CNTNAP2: variants seen among roughly 807,000 people sequenced by gnomAD.
The protein encoded by CNTNAP2 is contactin associated protein 2, also known as contactin-associated protein-like 2.
A neutral mutation model predicts 155.2 loss-of-function variants in CNTNAP2; 98 were observed. The observed-to-expected ratio is 0.63, with a 90% CI of 0.54 to 0.75. CNTNAP2 has a LOEUF of 0.75. CNTNAP2 is among the 30% of genes least tolerant of loss of function. CNTNAP2 has a pLI of 0.00. For synonymous variants in CNTNAP2, 651 were observed against 631.2 expected (o/e 1.03, Z -0.47); for missense variants, 1,727 against 1,688.1 (o/e 1.02, Z -0.40).
intron 13 of CNTNAP2, among the ~76,000 whole-genome samples, chr7:147,765,619 C>T (rs919425416): frequency 2.0e-5 from 3 of 152,002 alleles, no homozygotes; most frequent in Non-Finnish European, 2.9e-5. Context: ...AGTTATACAT[C>T]GCCGTTTGGG....
At chr7:146,869,403 T>A (rs1795264416) in intron 3 of CNTNAP2, among the ~76,000 whole-genome samples, 1 of 152,164 alleles carries the variant, frequency 6.6e-6, no homozygotes, top group Non-Finnish European at 1.5e-5. Context: ...CTTTTTGATG[T>A]GCTGCTGGTC....
intron 1 of CNTNAP2, among the ~76,000 whole-genome samples, chr7:146,367,163 C>A (rs778767704): frequency 6.6e-6 from 1 of 152,124 alleles, no homozygotes; most frequent in Non-Finnish European, 1.5e-5. Context: ...TGACTAATAT[C>A]ATGGATGCTC....
intron 1 of CNTNAP2, among the ~76,000 whole-genome samples, chr7:146,534,835 T>C (rs1797822816): frequency 6.6e-6 from 1 of 151,364 alleles, no homozygotes; most frequent in African/African-American, 2.4e-5. Context: ...GAGCAATTTA[T>C]TGCCATTATG....
intron 9 of CNTNAP2, among the ~76,000 whole-genome samples, chr7:147,304,799 T>C (rs1386907266): frequency 2.6e-5 from 4 of 152,184 alleles, no homozygotes; most frequent in Non-Finnish European, 5.9e-5. Context: ...AAGAGAATAC[T>C]ATAGGTTGAG....
chr7:147,043,225 C>G (rs1799292676), intron 3 of CNTNAP2, among the ~76,000 whole-genome samples: 1 of 151,290 alleles, frequency 6.6e-6, no homozygotes, highest in Non-Finnish European at 1.5e-5. Context: ...GTTATGTATG[C>G]CTCCCAAAAA....
intron 1 of CNTNAP2, among the ~76,000 whole-genome samples, chr7:146,759,467 G>T (rs997308894): frequency 1.3e-5 from 2 of 152,120 alleles, no homozygotes; most frequent in Non-Finnish European, 1.5e-5. Context: ...GGCCGAGATG[G>T]GCAGATCGCC....
At chr7:147,786,589 G>C (rs1012690711) in intron 13 of CNTNAP2, among the ~76,000 whole-genome samples, 2 of 152,212 alleles carry the variant, frequency 1.3e-5, no homozygotes, top group Non-Finnish European at 2.9e-5. Context: ...GCAGCGTGGG[G>C]AGTGCAGTTA....
At chr7:146,725,389 C>G (rs1338236624) in intron 1 of CNTNAP2, among the ~76,000 whole-genome samples, 2 of 152,118 alleles carry the variant, frequency 1.3e-5, no homozygotes, top group Non-Finnish European at 2.9e-5. Context: ...TTGCCTTTAG[C>G]CTTCAAACTG....
chr7:147,513,056 A>G (rs993749988), intron 11 of CNTNAP2, among the ~76,000 whole-genome samples: 6 of 152,188 alleles, frequency 3.9e-5, no homozygotes, highest in African/African-American at 1.4e-4. Context: ...CAATTTTAAC[A>G]GTGATATTTT....
intron 1 of CNTNAP2, among the ~76,000 whole-genome samples, chr7:146,262,052 A>AC (rs1799926703): frequency 1.3e-5 from 2 of 152,192 alleles, no homozygotes; most frequent in Admixed American, 6.5e-5. Flanking sequence ...AGCGTGAAGG[A>AC]CCCAGAAGGG....
chr7:146,379,112 GC>G (rs1310726362), intron 1 of CNTNAP2, among the ~76,000 whole-genome samples: 4 of 152,310 alleles, frequency 2.6e-5, no homozygotes, highest in South Asian at 2.1e-4. Flanking sequence ...TTGAGCCTGT[GC>G]CTCTACACAC....
intron 1 of CNTNAP2, among the ~76,000 whole-genome samples, chr7:146,134,626 G>A (rs893619797): frequency 2.7e-5 from 4 of 150,522 alleles, no homozygotes; most frequent in Non-Finnish European, 6.0e-5. Context: ...ATGAAGTGTT[G>A]TTGAATTTTG....
At chr7:146,606,921 A>G (rs563518781) in intron 1 of CNTNAP2, among the ~76,000 whole-genome samples, 39 of 152,308 alleles carry the variant, frequency 2.6e-4, no homozygotes, top group African/African-American at 9.4e-4. Flanking sequence ...ATTCACTGTG[A>G]TCCTGCTGAC....
intron 3 of CNTNAP2, among the ~76,000 whole-genome samples, chr7:147,031,418 T>A (rs1318951485): frequency 1.3e-5 from 2 of 152,208 alleles, no homozygotes; most frequent in Non-Finnish European, 2.9e-5. Flanking sequence ...ACAGCAATTT[T>A]ATTTGTAATA....
At position 147,775,959 on chromosome 7, in the gene CNTNAP2, T is replaced by C. The variant is rs189831872; in HGVS notation, c.2099-127606T>C. Among the ~76,000 whole-genome samples, 11 of 152,308 alleles carry C rather than the reference T, an allele frequency of 7.2e-5. No individual in the cohort carries two copies. In the East Asian group the frequency reaches 1.5e-3, roughly 21 times the overall value. ...GAGGGAATGGATTTGTTTTGTATTG[T>C]TTCATGTGCAAAATCAAGCTCTGTG... On this transcript the variant is annotated intron_variant, in intron 13 of 23. Transcript: ENST00000361727.
rs181564796 is a variant in CNTNAP2 at position 147,533,249 on chromosome 7, T to C, written c.1778-28889T>C. On this transcript the variant is annotated intron_variant, in intron 11 of 23. Transcript: ENST00000361727. Reference sequence around the variant, plus strand: ...ATTCTAACTGCAAATTCAAAGATAATGTTTATTCATGCCTAGGACAAAATT... The same window carrying C: ...ATTCTAACTGCAAATTCAAAGATAACGTTTATTCATGCCTAGGACAAAATT... Among the ~76,000 whole-genome samples, 267 of 152,332 alleles carry C rather than the reference T, an allele frequency of 1.8e-3. 1 individual carries two copies. Among genetic ancestry groups the C allele is most frequent in the African/African-American group, 6.1e-3 (254 of 41,584 alleles).
At chr7:147,604,531 AGC>A (rs1231805942) in intron 12 of CNTNAP2, among the ~76,000 whole-genome samples, 2 of 152,138 alleles carry the variant, frequency 1.3e-5, no homozygotes, top group East Asian at 3.9e-4. Context: ...GGTTGTTCTC[AGC>A]TAATCTCTTG....
intron 16 of CNTNAP2, among the ~76,000 whole-genome samples, chr7:148,130,443 T>C (rs947118382): frequency 2.6e-5 from 4 of 152,188 alleles, no homozygotes; most frequent in Non-Finnish European, 5.9e-5. Context: ...GACAGGCTCA[T>C]AATTTGACTC....
At chr7:146,720,596 G>A (rs1258720199) in intron 1 of CNTNAP2, among the ~76,000 whole-genome samples, 2 of 151,946 alleles carry the variant, frequency 1.3e-5, no homozygotes, top group Non-Finnish European at 2.9e-5. Flanking sequence ...TTTTCATGGT[G>A]ATTACAATGT....
Sources: allele counts gnomAD v4.1 joint callset (sites outside exome capture counted in the v4.1 genomes callset), GRCh38; gene constraint gnomAD v4.1.1; transcripts MANE v1.5; gene names NCBI Gene and HGNC (gene_info 2026-07-23, HGNC 2026-07-21).